Variants in EPHA3 observed in about 807,000 individuals in gnomAD.
EPHA3 encodes EPH receptor A3.
In EPHA3, 42 loss-of-function variants were observed where a neutral mutation model predicts 107.1. The observed-to-expected ratio is 0.39, with a 90% CI of 0.31 to 0.51. The LOEUF (loss-of-function observed/expected upper bound fraction) is 0.51. Among genes scored for constraint, EPHA3 ranks in the 20% least tolerant of loss-of-function variants. The pLI, the probability that EPHA3 is intolerant of heterozygous loss-of-function variation, is 0.78. For synonymous variants in EPHA3, 461 were observed against 424.8 expected (o/e 1.09, Z -1.05); for missense variants, 1,183 against 1,211.2 (o/e 0.98, Z 0.35).
At chr3:89,173,109 A>G (rs144037616) in intron 2 of EPHA3, among the ~76,000 whole-genome samples, 1 of 152,250 alleles carries the variant, frequency 6.6e-6, no homozygotes, top group Non-Finnish European at 1.5e-5. Flanking sequence ...ATCCACCAAA[A>G]AAGATGAGTT....
At chr3:89,303,227 G>A (rs541528024) in intron 3 of EPHA3, among the ~76,000 whole-genome samples, 54 of 151,962 alleles carry the variant, frequency 3.6e-4, no homozygotes, top group East Asian at 1.4e-3. Flanking sequence ...TATTTCTTGC[G>A]TTTTAAAATA....
Position 89,210,471 on chromosome 3 carries a change from C to G in EPHA3, c.765C>G (p.Gly255=), listed in dbSNP as rs560906170. 25 of 1,588,228 alleles carry G rather than the reference C, an allele frequency of 1.6e-5. No homozygotes were observed. In the Admixed American group the frequency reaches 2.8e-4, roughly 18 times the overall value. ...STEGEWLVPI[G]KCSCNAGYEE... Reference sequence around the variant, plus strand: ...AAGGCGAATGGCTTGTACCCATTGGCAAGTGTTCCTGCAATGCTGGCTATG... The same window carrying G: ...AAGGCGAATGGCTTGTACCCATTGGGAAGTGTTCCTGCAATGCTGGCTATG... Residue 255 remains glycine, a synonymous_variant, in exon 3 of 17, where the codon GGC becomes GGG. Transcript: ENST00000336596.
intron 5 of EPHA3, among the ~76,000 whole-genome samples, chr3:89,377,864 T>A (rs2107480034): frequency 6.6e-6 from 1 of 152,030 alleles, no homozygotes; most frequent in Non-Finnish European, 1.5e-5. Context: ...GCTCTGAAAA[T>A]TAGAAAAAAA....
At chr3:89,184,649 G>A (rs1292020082) in intron 2 of EPHA3, among the ~76,000 whole-genome samples, 1 of 151,990 alleles carries the variant, frequency 6.6e-6, no homozygotes, top group African/African-American at 2.4e-5. Flanking sequence ...AAGATACTGT[G>A]CTTTTCCAAG....
intron 5 of EPHA3, among the ~76,000 whole-genome samples, chr3:89,342,626 A>AATCTAAATTT (rs1451634155): frequency 9.9e-5 from 15 of 152,118 alleles, no homozygotes; most frequent in Non-Finnish European, 2.1e-4. Flanking sequence ...CAAACATATA[A>AATCTAAATTT]ATGGATTATA....
At chr3:89,383,711 CG>C (rs1274031877) in intron 5 of EPHA3, among the ~76,000 whole-genome samples, 4 of 140,074 alleles carry the variant, frequency 2.9e-5, no homozygotes, top group Non-Finnish European at 4.5e-5. Context: ...TGCAGTGGCG[CG>C]ATCTCGGCTC....
intron 5 of EPHA3, among the ~76,000 whole-genome samples, chr3:89,391,609 T>C (rs1027855826): frequency 2.6e-5 from 4 of 151,436 alleles, no homozygotes; most frequent in African/African-American, 9.7e-5. Flanking sequence ...TTGTATTTTT[T>C]TTTTTAGTAG....
chr3:89,246,397 G>A (rs1285578200), intron 3 of EPHA3, among the ~76,000 whole-genome samples: 1 of 151,808 alleles, frequency 6.6e-6, no homozygotes, highest in Non-Finnish European at 1.5e-5. Context: ...GAAAAAGTAA[G>A]TTTAAAAAGT....
At chr3:89,266,964 A>T (rs1443094286) in intron 3 of EPHA3, among the ~76,000 whole-genome samples, 1 of 152,152 alleles carries the variant, frequency 6.6e-6, no homozygotes, top group Non-Finnish European at 1.5e-5. Flanking sequence ...ATGACTTAAA[A>T]AAAATTTCAA....
At chr3:89,292,375 C>T (rs1576293332) in intron 3 of EPHA3, among the ~76,000 whole-genome samples, 2 of 152,140 alleles carry the variant, frequency 1.3e-5, no homozygotes, top group Admixed American at 1.3e-4. Flanking sequence ...AGAGAATGTG[C>T]GGAGGTTGTA....
intron 2 of EPHA3, among the ~76,000 whole-genome samples, chr3:89,179,031 C>G (rs993168388): frequency 2.0e-5 from 3 of 151,642 alleles, no homozygotes; most frequent in African/African-American, 4.8e-5. Context: ...AACTATATCG[C>G]TTATATTTTA....
chr3:89,261,381 A>G (rs180990779), intron 3 of EPHA3, among the ~76,000 whole-genome samples: 1 of 152,240 alleles, frequency 6.6e-6, no homozygotes. Context: ...GTTAAAAGTC[A>G]TCTGCACTGA....
intron 2 of EPHA3, among the ~76,000 whole-genome samples, chr3:89,174,379 T>G (rs1312784689): frequency 6.6e-6 from 1 of 152,058 alleles, no homozygotes; most frequent in Non-Finnish European, 1.5e-5. Flanking sequence ...GTGGTCATTA[T>G]GAGTATTTCA....
intron 3 of EPHA3, among the ~76,000 whole-genome samples, chr3:89,311,495 C>T (rs534402981): frequency 6.6e-6 from 1 of 151,982 alleles, no homozygotes; most frequent in African/African-American, 2.4e-5. Flanking sequence ...CATTTTGTTT[C>T]CATATATATC....
intron 3 of EPHA3, among the ~76,000 whole-genome samples, chr3:89,329,942 AT>A (rs1707250613): frequency 6.6e-6 from 1 of 151,978 alleles, no homozygotes; most frequent in African/African-American, 2.4e-5. Context: ...TTAGAAAAAT[AT>A]TTTTTATTAA....
chr3:89,117,749 A>G (rs964979995), intron 1 of EPHA3, among the ~76,000 whole-genome samples: 16 of 152,102 alleles, frequency 1.1e-4, no homozygotes, highest in Non-Finnish European at 1.8e-4. Flanking sequence ...TGAAAAAAAC[A>G]AAAACAACCA....
At chr3:89,228,463 A>G (rs901231416) in intron 3 of EPHA3, among the ~76,000 whole-genome samples, 1 of 151,960 alleles carries the variant, frequency 6.6e-6, no homozygotes, top group African/African-American at 2.4e-5. Flanking sequence ...CGTGTTAGGG[A>G]ATGAATATGG....
At chr3:89,275,332 C>A (rs985861757) in intron 3 of EPHA3, among the ~76,000 whole-genome samples, 3 of 151,994 alleles carry the variant, frequency 2.0e-5, no homozygotes, top group African/African-American at 7.2e-5. Flanking sequence ...GGCACCAGAG[C>A]CCCGTGATTT....
At chr3:89,193,535 G>A (rs528460283) in intron 2 of EPHA3, among the ~76,000 whole-genome samples, 16 of 151,974 alleles carry the variant, frequency 1.1e-4, no homozygotes, top group South Asian at 4.1e-4. Flanking sequence ...GATAGCTACC[G>A]TTAACAATAA....
Sources: gnomAD v4.1 joint callset for allele counts (sites outside exome capture counted in the v4.1 genomes callset) on GRCh38, gnomAD v4.1.1 for gene constraint, MANE v1.5 for transcripts, NCBI Gene and HGNC (gene_info 2026-07-23, HGNC 2026-07-21) for gene names.